The following SCRG1 variants were observed in gnomAD, a reference collection of about 807,000 sequenced individuals.
The protein encoded by SCRG1 is stimulator of chondrogenesis 1.
A neutral mutation model predicts 7.7 loss-of-function variants in SCRG1; 3 were observed. The observed-to-expected ratio is 0.39, with a 90% CI of 0.18 to 1.01. SCRG1 has a LOEUF of 1.01. SCRG1 is among the 50% of genes least tolerant of loss of function. The probability of loss-of-function intolerance (pLI) is 0.36; values close to 1 mark genes in which losing one functional copy is unlikely to be tolerated. For synonymous variants in SCRG1, 46 were observed against 41.2 expected (o/e 1.12, Z -0.44); for missense variants, 110 against 117.2 (o/e 0.94, Z 0.28).
At chr4:173,484,164 T>G in the SCRG1 span, among the ~76,000 whole-genome samples, 18 of 41,406 alleles carry the variant, frequency 4.3e-4, no homozygotes, top group Non-Finnish European at 8.5e-4. Context: ...TTTTCTACAT[T>G]ATATATAATA....
the SCRG1 span, among the ~76,000 whole-genome samples, chr4:173,432,827 A>G: frequency 6.6e-6 from 1 of 152,226 alleles, no homozygotes; most frequent in Non-Finnish European, 1.5e-5. Flanking sequence ...TGGGCATCTC[A>G]GAGTGCTGTG....
At chr4:173,498,258 C>G in the SCRG1 span, among the ~76,000 whole-genome samples, 1 of 152,152 alleles carries the variant, frequency 6.6e-6, no homozygotes, top group Non-Finnish European at 1.5e-5. Context: ...AGAGCTCCAC[C>G]CAAGTGAAAT....
chr4:173,408,715 T>C (rs1739971803), upstream of SCRG1, among the ~76,000 whole-genome samples: 1 of 152,186 alleles, frequency 6.6e-6, no homozygotes, highest in African/African-American at 2.4e-5. Flanking sequence ...ATGAGTCTGC[T>C]AGGCGCCGTG....
chr4:173,470,975 A>T, the SCRG1 span, among the ~76,000 whole-genome samples: 1 of 152,340 alleles, frequency 6.6e-6, no homozygotes, highest in East Asian at 1.9e-4. Context: ...GTATTTAGGA[A>T]GAGATAGAAA....
chr4:173,424,752 T>C, the SCRG1 span, among the ~76,000 whole-genome samples: 1 of 151,974 alleles, frequency 6.6e-6, no homozygotes. Context: ...CTACTAAAAA[T>C]ACAAGAATTA....
the SCRG1 span, among the ~76,000 whole-genome samples, chr4:173,442,014 T>C: frequency 0.97 from 147,668 of 152,328 alleles, 71,722 homozygotes; most frequent in East Asian, 1. Flanking sequence ...AGTTCAACTT[T>C]TGGCTCACAA....
chr4:173,454,076 T>TAAA, the SCRG1 span, among the ~76,000 whole-genome samples: 1 of 131,362 alleles, frequency 7.6e-6, no homozygotes. Flanking sequence ...AGACTCCGTC[T>TAAA]AAAAAAAAAA....
At chr4:173,515,732 G>A in the SCRG1 span, among the ~76,000 whole-genome samples, 1 of 152,058 alleles carries the variant, frequency 6.6e-6, no homozygotes, top group Non-Finnish European at 1.5e-5. The surrounding 1 kb of genome is among the most constrained non-coding windows in gnomAD (Gnocchi z 4.6). Flanking sequence ...TCTGTGCCTA[G>A]GCTTCTCCTT....
chr4:173,391,322 C>A lies in SCRG1; in HGVS notation c.93G>T (p.Lys31Asn). The change falls in exon 2 of 3, where the codon AAG becomes AAT. Residue 31 changes from lysine (K) to asparagine (N), a missense_variant. Lys to Asn is a moderately conservative substitution (Grantham distance 94). Transcript: ENST00000296506. Reference sequence around the variant, plus strand: ...TGTGACAGTTGTGATCTTTTAGTATCTTTCTGTAGCAAGAGAGGCGATTTG... The same window carrying A: ...TGTGACAGTTGTGATCTTTTAGTATATTTCTGTAGCAAGAGAGGCGATTTG... Reference protein sequence around the residue: ...MPANRLSCYRKILKDHNCHNL... With the variant: ...MPANRLSCYRNILKDHNCHNL... The A allele has an allele frequency of 6.2e-7, 1 of 1,614,196 alleles. No individual in the cohort carries two copies. The highest frequency in any genetic ancestry group is 1.1e-5 in the South Asian group (1 of 91,088).
intron 1 of SCRG1, among the ~76,000 whole-genome samples, chr4:173,394,139 A>G (rs1739529236): frequency 6.6e-6 from 1 of 151,956 alleles, no homozygotes; most frequent in African/African-American, 2.4e-5. Flanking sequence ...GGAAGAATTT[A>G]CTATTGCCGT....
chr4:173,408,876 C>G (rs995495874), upstream of SCRG1, among the ~76,000 whole-genome samples: 2 of 151,478 alleles, frequency 1.3e-5, no homozygotes, highest in African/African-American at 4.8e-5. Context: ...GCCTGTGGTC[C>G]CAGCTACTCC....
At chr4:173,424,635 C>A in the SCRG1 span, among the ~76,000 whole-genome samples, 2 of 152,088 alleles carry the variant, frequency 1.3e-5, no homozygotes, top group Non-Finnish European at 2.9e-5. Flanking sequence ...CTAGGCTGGG[C>A]GCGGTGGCTC....
At chr4:173,491,025 T>C in the SCRG1 span, among the ~76,000 whole-genome samples, 1 of 152,004 alleles carries the variant, frequency 6.6e-6, no homozygotes, top group Non-Finnish European at 1.5e-5. Flanking sequence ...GCTGATGGAG[T>C]ATTCACAGGC....
intron 1 of SCRG1, among the ~76,000 whole-genome samples, chr4:173,405,690 C>T (rs1739883442): frequency 6.6e-6 from 1 of 151,960 alleles, no homozygotes. Flanking sequence ...TCAAACTGTC[C>T]CAGCTTTTGC....
the SCRG1 span, among the ~76,000 whole-genome samples, chr4:173,515,329 A>G: frequency 6.6e-6 from 1 of 152,232 alleles, no homozygotes; most frequent in Non-Finnish European, 1.5e-5. The surrounding 1 kb of genome is among the most constrained non-coding windows in gnomAD (Gnocchi z 4.6). Flanking sequence ...TTCCACAGGA[A>G]ATGAGCAGAG....
chr4:173,457,583 G>A, the SCRG1 span, among the ~76,000 whole-genome samples: 1 of 152,204 alleles, frequency 6.6e-6, no homozygotes. Context: ...CCCCGCAGAT[G>A]TGGGCTAGCA....
the SCRG1 span, among the ~76,000 whole-genome samples, chr4:173,514,230 G>A: frequency 2.0e-5 from 3 of 152,304 alleles, no homozygotes; most frequent in Admixed American, 2.0e-4. Flanking sequence ...TCAGTTTAAA[G>A]CCATTTGCTC....
At chr4:173,445,961 G>A in the SCRG1 span, among the ~76,000 whole-genome samples, 1 of 152,136 alleles carries the variant, frequency 6.6e-6, no homozygotes, top group African/African-American at 2.4e-5. Context: ...ACTGCACCTG[G>A]CCTTTAAGGA....
the SCRG1 span, among the ~76,000 whole-genome samples, chr4:173,488,097 CTAAA>C: frequency 0.025 from 3,596 of 145,002 alleles, 73 homozygotes; most frequent in African/African-American, 0.06. Context: ...GAGACTCTGT[CTAAA>C]TAAATAAATA....
Sources: gnomAD v4.1 joint callset for allele counts (sites outside exome capture counted in the v4.1 genomes callset) on GRCh38, gnomAD v4.1.1 for gene constraint, Gnocchi (gnomAD v3.1) non-coding constraint, MANE v1.5 for transcripts, NCBI Gene and HGNC (gene_info 2026-07-23, HGNC 2026-07-21) for gene names.